LRRC7: variants seen among roughly 807,000 people sequenced by gnomAD.
The protein encoded by LRRC7 is leucine rich repeat containing 7.
Under a neutral mutation model 175.7 loss-of-function variants are expected in LRRC7, and 23 were observed. The ratio of observed to expected loss-of-function variants is 0.13; its 90% CI spans 0.09 to 0.19. The LOEUF (loss-of-function observed/expected upper bound fraction) is 0.19, where lower values mean the gene tolerates loss of function less well. Among genes scored for constraint, LRRC7 ranks in the 10% least tolerant of loss-of-function variants. LRRC7 has a pLI of 1.00. For missense variants in LRRC7, 1,354 were observed against 1,904.7 expected, an observed-to-expected ratio of 0.71 and a Z score of 5.38; for synonymous variants, 685 against 680.9, an observed-to-expected ratio of 1.01 and a Z score of -0.09.
At chr1:69,569,906 CAAAAAAAAA>C (rs71071364) in intron 1 of LRRC7, among the ~76,000 whole-genome samples, 2 of 87,104 alleles carry the variant, frequency 2.3e-5, no homozygotes, top group Non-Finnish European at 4.3e-5. Context: ...AAAGGAATTA[CAAAAAAAAA>C]AAAAAAAAAA....
At chr1:69,920,762 A>G (rs1646866176) in intron 7 of LRRC7, among the ~76,000 whole-genome samples, 1 of 152,190 alleles carries the variant, frequency 6.6e-6, no homozygotes, top group Non-Finnish European at 1.5e-5. Context: ...AGTCAAAAGC[A>G]GGTGACCTAC....
intron 7 of LRRC7, among the ~76,000 whole-genome samples, chr1:69,870,054 T>C (rs1464114525): frequency 6.6e-6 from 1 of 152,132 alleles, no homozygotes; most frequent in Non-Finnish European, 1.5e-5. Flanking sequence ...CTAGCTTTCA[T>C]CTTACGTTAC....
intron 4 of LRRC7, among the ~76,000 whole-genome samples, chr1:69,825,163 C>T (rs1033129600): frequency 2.6e-5 from 4 of 152,250 alleles, no homozygotes; most frequent in East Asian, 1.9e-4. Flanking sequence ...AGGAAAACTG[C>T]TTGTCTCTTC....
chr1:69,747,953 A>T (rs1669436163), intron 2 of LRRC7, among the ~76,000 whole-genome samples: 1 of 152,140 alleles, frequency 6.6e-6, no homozygotes. Context: ...GGACTCTTGA[A>T]TTAATTCTTT....
At chr1:69,676,041 A>AC (rs1553137599) in intron 1 of LRRC7, among the ~76,000 whole-genome samples, 1 of 147,600 alleles carries the variant, frequency 6.8e-6, no homozygotes, top group African/African-American at 2.5e-5. Context: ...ACACACACAC[A>AC]AGCACATAAA....
intron 2 of LRRC7, among the ~76,000 whole-genome samples, chr1:69,687,059 G>A (rs148625521): frequency 7.8e-4 from 118 of 152,092 alleles, no homozygotes; most frequent in Middle Eastern, 6.8e-3. Flanking sequence ...GTATGTATTC[G>A]ATTTAATTTT....
intron 11 of LRRC7, among the ~76,000 whole-genome samples, chr1:70,005,882 T>C (rs375036570): frequency 1.3e-5 from 2 of 152,126 alleles, no homozygotes; most frequent in South Asian, 2.1e-4. Context: ...CACTGAAGTT[T>C]GGGAAACACT....
At chr1:69,589,927 T>C (rs1646566309) in intron 1 of LRRC7, among the ~76,000 whole-genome samples, 1 of 147,362 alleles carries the variant, frequency 6.8e-6, no homozygotes, top group Non-Finnish European at 1.5e-5. Context: ...GTGTTTGGCT[T>C]TCTGACTATT....
At chr1:69,600,268 C>G (rs1378478208) in intron 1 of LRRC7, among the ~76,000 whole-genome samples, 8 of 151,940 alleles carry the variant, frequency 5.3e-5, no homozygotes, top group Admixed American at 4.6e-4. Context: ...TTCAGACTTC[C>G]TTAGTTTTTA....
Position 69,987,272 on chromosome 1 carries a change from A to G in LRRC7, c.931+886A>G, listed in dbSNP as rs566482183. Among the ~76,000 whole-genome samples the G allele has an allele frequency of 6.4e-4, 97 of 152,342 alleles. 2 individuals are homozygous for G. The highest frequency in any genetic ancestry group is 2.1e-3 in the African/African-American group (89 of 41,592). On this transcript the variant is annotated intron_variant, in intron 10 of 26. Coordinates refer to ENST00000651989, the MANE Select transcript of LRRC7 (RefSeq NM_001370785.2). ...AAACAAACAAACAAAAAAAGTTTAT[A>G]TGAGTAAAATAGTGAAAGACTCATT...
intron 22 of LRRC7, among the ~76,000 whole-genome samples, chr1:70,052,231 G>T (rs1660805318): frequency 6.6e-6 from 1 of 151,832 alleles, no homozygotes; most frequent in Non-Finnish European, 1.5e-5. Context: ...GCTTTCTGAT[G>T]GTATGTGATT....
intron 7 of LRRC7, among the ~76,000 whole-genome samples, chr1:69,910,330 G>A (rs968121083): frequency 6.6e-6 from 1 of 152,108 alleles, no homozygotes; most frequent in Non-Finnish European, 1.5e-5. Flanking sequence ...TCTACTTTTG[G>A]TCTTTGATGA....
chr1:69,683,914 A>C (rs1369656388), intron 2 of LRRC7, among the ~76,000 whole-genome samples: 1 of 152,166 alleles, frequency 6.6e-6, no homozygotes, highest in Non-Finnish European at 1.5e-5. Flanking sequence ...ATACAAAGGA[A>C]AGATGATGAA....
intron 1 of LRRC7, among the ~76,000 whole-genome samples, chr1:69,645,549 T>A (rs577810546): frequency 1.3e-5 from 2 of 152,230 alleles, no homozygotes; most frequent in African/African-American, 4.8e-5. Context: ...ATATTTTTCA[T>A]CATTCTTCAC....
chr1:70,011,608 C>A (rs1027685443), intron 11 of LRRC7, among the ~76,000 whole-genome samples, 189 bp from the exon 12 acceptor site: 1 of 152,044 alleles, frequency 6.6e-6, no homozygotes, highest in African/African-American at 2.4e-5. Flanking sequence ...AAAAAGTAAA[C>A]TATATTTATT....
At position 69,659,263 on chromosome 1, in the gene LRRC7, A is replaced by G. The variant is rs1657089309; in HGVS notation, c.3-19118A>G. Among the ~76,000 whole-genome samples the G allele has an allele frequency of 3.3e-5, 5 of 152,104 alleles. No homozygotes were observed. In the South Asian group the frequency reaches 1.0e-3, roughly 32 times the overall value. ...GAGCAGAATGGAGAAGAGAGAATCT[A>G]GAGGGATAAAAAGAGAATTCCCAAC... is the stretch of plus-strand genomic sequence containing the variant. On this transcript the variant is annotated intron_variant, in intron 1 of 26. Coordinates refer to ENST00000651989, the MANE Select transcript of LRRC7 (RefSeq NM_001370785.2).
intron 1 of LRRC7, among the ~76,000 whole-genome samples, chr1:69,671,295 A>C (rs1477976501): frequency 6.6e-6 from 1 of 152,200 alleles, no homozygotes; most frequent in Non-Finnish European, 1.5e-5. Context: ...TCATGTAGGA[A>C]GTAGGGCCTG....
intron 1 of LRRC7, among the ~76,000 whole-genome samples, chr1:69,638,934 T>A (rs910015158): frequency 1.1e-4 from 16 of 151,714 alleles, no homozygotes; most frequent in Admixed American, 8.6e-4. Flanking sequence ...TTTTCAGACC[T>A]CCAGTATAAA....
At chr1:69,859,990 G>A (rs1301041868) in intron 7 of LRRC7, among the ~76,000 whole-genome samples, 4 of 151,830 alleles carry the variant, frequency 2.6e-5, no homozygotes, top group South Asian at 2.1e-4. Context: ...GCCAACTTAC[G>A]ATCTCAATTC....
Sources: allele counts gnomAD v4.1 joint callset (sites outside exome capture counted in the v4.1 genomes callset), GRCh38; gene constraint gnomAD v4.1.1; transcripts MANE v1.5; gene names NCBI Gene and HGNC (gene_info 2026-07-23, HGNC 2026-07-21).